Variants in USH2A observed in about 807,000 individuals in gnomAD.
USH2A encodes Usher syndrome 2A (autosomal recessive, mild).
Under a neutral mutation model 538.9 loss-of-function variants are expected in USH2A, and 443 were observed. The observed-to-expected ratio is 0.82, with a 90% CI of 0.76 to 0.89. The LOEUF (loss-of-function observed/expected upper bound fraction) is 0.89. Ranked by LOEUF, USH2A falls within the 40% of genes least tolerant of loss-of-function variation. USH2A has a pLI of 0.00. For missense variants in USH2A, 6,633 were observed against 6,324.8 expected (o/e 1.05, Z -1.65); for synonymous variants, 2,413 against 2,273.5 (o/e 1.06, Z -1.75).
intron 14 of USH2A, among the ~76,000 whole-genome samples, chr1:216,226,818 G>T (rs762141468): frequency 3.9e-5 from 6 of 152,108 alleles, no homozygotes; most frequent in African/African-American, 1.4e-4. Context: ...TCTTCATCCG[G>T]TCATGAGAAA....
At position 216,017,942 on chromosome 1, in the gene USH2A, G is replaced by T. The variant is rs779847886; in HGVS notation, c.6326-17380C>A. Among the ~76,000 whole-genome samples the T allele has an allele frequency of 3.3e-5, 5 of 152,144 alleles. No individual in the cohort carries two copies. In the South Asian group the frequency reaches 6.2e-4, roughly 19 times the overall value. ...CCTCAATGGCCAAGATATCTCTTTT[G>T]GGTGGCAAGACATACACATTTCTTT... On this transcript the variant is annotated intron_variant, in intron 32 of 71. Transcript: ENST00000307340.
chr1:215,868,298 AC>A (rs749120684), intron 43 of USH2A, among the ~76,000 whole-genome samples: 88 of 152,296 alleles, frequency 5.8e-4, no homozygotes, highest in Admixed American at 9.8e-4. Flanking sequence ...TTTTACTGCC[AC>A]CTAGGTAGAA....
At chr1:216,185,090 TA>T (rs2034572795) in intron 20 of USH2A, among the ~76,000 whole-genome samples, 2 of 151,906 alleles carry the variant, frequency 1.3e-5, no homozygotes, top group African/African-American at 4.8e-5. Context: ...AAGAAAAGTG[TA>T]ACAAGGATTT....
At chr1:215,772,886 T>TA (rs1176680551) in intron 55 of USH2A, among the ~76,000 whole-genome samples, 1 of 152,206 alleles carries the variant, frequency 6.6e-6, no homozygotes, top group Non-Finnish European at 1.5e-5. Context: ...AGGCCTGAGT[T>TA]ACGTTAAAAA....
rs773056409 is a variant in USH2A, at chr1:216,150,021, A to G, written c.4627+25231T>C. ...GTAATAACCCTTATGAGCCTAATAC[A>G]TCCCTTCATTCTATTAGGTCTGTTC... On this transcript the variant is annotated intron_variant, in intron 21 of 71. Transcript: ENST00000307340. Among the ~76,000 whole-genome samples, 303 of 152,170 alleles carry G rather than the reference A, an allele frequency of 2.0e-3. 1 individual carries two copies. The highest frequency in any genetic ancestry group is 3.7e-3 in the Non-Finnish European group (249 of 68,010).
At chr1:215,754,631 G>T (rs572182882) in intron 58 of USH2A, among the ~76,000 whole-genome samples, 40 of 152,026 alleles carry the variant, frequency 2.6e-4, no homozygotes, top group Non-Finnish European at 5.9e-5. Flanking sequence ...ATTGTCTTGG[G>T]CCACATATAA....
intron 14 of USH2A, among the ~76,000 whole-genome samples, chr1:216,231,237 T>TATATATATATATATAATATATATA (rs1553318087): frequency 4.9e-5 from 2 of 41,234 alleles, no homozygotes; most frequent in Non-Finnish European, 1.0e-4. Context: ...ATATCCCATA[T>TATATATATATATATAATATATATA]ATATATATAT....
intron 21 of USH2A, among the ~76,000 whole-genome samples, chr1:216,132,827 C>A (rs1050949608): frequency 1.3e-5 from 2 of 152,072 alleles, no homozygotes; most frequent in Admixed American, 1.3e-4. Context: ...CTTTCCCTCT[C>A]CCTATAATGA....
intron 38 of USH2A, among the ~76,000 whole-genome samples, chr1:215,908,851 A>G (rs1665703309): frequency 6.6e-6 from 1 of 151,622 alleles, no homozygotes; most frequent in South Asian, 2.1e-4. Flanking sequence ...ATGCTCTACT[A>G]TTTCAGATAT....
intron 55 of USH2A, among the ~76,000 whole-genome samples, chr1:215,772,247 T>C (rs1251877101): frequency 6.6e-6 from 1 of 152,154 alleles, no homozygotes; most frequent in Admixed American, 6.5e-5. Flanking sequence ...TAAAGAGATG[T>C]CTCAAAGGAA....
At chr1:215,720,954 T>A (rs2102706742) in intron 61 of USH2A, among the ~76,000 whole-genome samples, 1 of 152,256 alleles carries the variant, frequency 6.6e-6, no homozygotes, top group African/African-American at 2.4e-5. Flanking sequence ...CATGCCATGA[T>A]CCTGGGGAAA....
chr1:216,219,301 T>C (rs1176477432), intron 14 of USH2A, among the ~76,000 whole-genome samples: 2 of 152,084 alleles, frequency 1.3e-5, no homozygotes, highest in African/African-American at 4.8e-5. Flanking sequence ...TTGACTTCAG[T>C]AAGAGAGAAT....
At chr1:215,698,334 T>C (rs1193090362) in intron 61 of USH2A, among the ~76,000 whole-genome samples, 1 of 152,230 alleles carries the variant, frequency 6.6e-6, no homozygotes, top group East Asian at 1.9e-4. Context: ...CTTGGGTATA[T>C]ACCCAGTAAT....
At chr1:216,231,359 C>G (rs1430104749) in intron 14 of USH2A, among the ~76,000 whole-genome samples, 15 of 136,996 alleles carry the variant, frequency 1.1e-4, no homozygotes, top group Admixed American at 5.3e-4. Context: ...TATGTCTTTT[C>G]CTGTCTTTCT....
chr1:216,281,348 A>G (rs2036771869), intron 11 of USH2A, among the ~76,000 whole-genome samples: 1 of 152,166 alleles, frequency 6.6e-6, no homozygotes, highest in South Asian at 2.1e-4. Context: ...GCAGATTTGG[A>G]AAGAGAAAAA....
In USH2A at chr1:216,073,254, G is replaced by A. The variant is rs138416665; in HGVS notation, c.5619C>T (p.Val1873=). 9.7e-5 allele frequency: 156 copies of A among 1,613,748 alleles called. No individual in the cohort carries two copies. Among genetic ancestry groups the A allele is most frequent in the Middle Eastern group, 1.7e-4 (1 of 6,060 alleles). The change falls in exon 28 of 72, where the codon GTC becomes GTT. Residue 1873 remains valine (V), a synonymous_variant. Transcript: ENST00000307340. ...CGCTGGACACAGATGCCAAGTTAACGACAGCACCCCGTGTAAATTTAACAT... is the reference window on the plus strand; with the variant it reads ...CGCTGGACACAGATGCCAAGTTAACAACAGCACCCCGTGTAAATTTAACAT... ...MKDVKFTRGA[V]VNLASVSSGA...
chr1:215,741,449 C>A lies in USH2A; in HGVS notation c.11637G>T (p.Gly3879=). The part of the protein sequence containing the change: ...DLNSPVLKAL[G]SACIEIKWMP... ...TCCACTTAATCTCTATGCAAGCTGA[C>A]CCCAGTGCCTTAAGAACAGGAGAAT... Residue 3879 remains glycine, a synonymous_variant, in exon 60 of 72, where the codon GGG becomes GGT. Transcript: ENST00000307340. The A allele has an allele frequency of 1.9e-6, 3 of 1,613,862 alleles. No individual in the cohort carries two copies. The highest frequency in any genetic ancestry group is 2.2e-5 in the East Asian group (1 of 44,846).
intron 47 of USH2A, among the ~76,000 whole-genome samples, chr1:215,827,151 A>G (rs1238180911): frequency 4.6e-5 from 7 of 152,216 alleles, no homozygotes; most frequent in Non-Finnish European, 8.8e-5. Flanking sequence ...AGACATCAGT[A>G]TGGCTTAAAA....
At chr1:215,845,732 A>C (rs1176415827) in intron 45 of USH2A, 92 bp downstream of exon 45, 7 of 1,411,474 alleles carry the variant, frequency 5.0e-6, no homozygotes, top group Non-Finnish European at 6.9e-6. Flanking sequence ...CGGAAATTTT[A>C]TAATGGAGGG....
Sources: allele counts gnomAD v4.1 joint callset (sites outside exome capture counted in the v4.1 genomes callset), GRCh38; gene constraint gnomAD v4.1.1; transcripts MANE v1.5; gene names NCBI Gene and HGNC (gene_info 2026-07-23, HGNC 2026-07-21).